Variants in TMEM131L observed in about 807,000 individuals in gnomAD.
TMEM131L encodes transmembrane protein 131-like.
In TMEM131L, 54 loss-of-function variants were observed where a neutral mutation model predicts 192.2. That is an observed-to-expected ratio of 0.28 (90% CI 0.23 to 0.35). The LOEUF (loss-of-function observed/expected upper bound fraction) is 0.35. Ranked by LOEUF, TMEM131L falls within the 10% of genes least tolerant of loss-of-function variation. The pLI, the probability that TMEM131L is intolerant of heterozygous loss-of-function variation, is 1.00. For missense variants in TMEM131L, 1,888 were observed against 1,972.9 expected (o/e 0.96, Z 0.82); for synonymous variants, 701 against 704.9 (o/e 0.99, Z 0.09).
intron 28 of TMEM131L, 70 bp from the exon 29 acceptor site, chr4:153,622,828 C>T (rs1325382365): frequency 3.3e-6 from 5 of 1,504,764 alleles, no homozygotes; most frequent in Non-Finnish European, 4.6e-6. Context: ...TGTCACCTCT[C>T]TCTTTCTGTT....
chr4:153,527,069 T>A (rs942998076), intron 3 of TMEM131L, among the ~76,000 whole-genome samples: 3 of 152,154 alleles, frequency 2.0e-5, no homozygotes, highest in African/African-American at 4.8e-5. Context: ...AGATCCCTTT[T>A]TAGGAATCAG....
Position 153,635,451 on chromosome 4 carries a change from T to C in TMEM131L, c.4437T>C (p.Asn1479=), listed in dbSNP as rs748873007. Residue 1479 remains asparagine, a synonymous_variant, in exon 34 of 35, where the codon AAT becomes AAC. Transcript: ENST00000409959. ...AFPEENMNYA[N]GFPCPADVQT... ...TTGTAGAAAACATGAACTATGCCAA[T>C]GGCTTCCCCTGTCCTGCAGATGTTC... 1 of 1,614,016 alleles carries C rather than the reference T, an allele frequency of 6.2e-7. No individual in the cohort carries two copies. Among genetic ancestry groups the C allele is most frequent in the East Asian group, 2.2e-5 (1 of 44,880 alleles).
At chr4:153,617,194 A>G (rs148308095) in intron 26 of TMEM131L, among the ~76,000 whole-genome samples, 24 of 152,286 alleles carry the variant, frequency 1.6e-4, no homozygotes, top group African/African-American at 5.1e-4. Flanking sequence ...GTTTCCCTGC[A>G]CAAGCTCCCT....
In TMEM131L at chr4:153,601,211, A is replaced by G. The variant is rs569273186; in HGVS notation, c.2267-941A>G. ...TTCAGTTATTTAGAATTGACTTTGA[A>G]TGATAGAATTAAGAAGTAATATAAA... On this transcript the variant is annotated intron_variant, in intron 21 of 34. Transcript: ENST00000409959. Among the ~76,000 whole-genome samples, 5 of 152,306 alleles carry G rather than the reference A, an allele frequency of 3.3e-5. No individual in the cohort carries two copies. The South Asian group carries it at 1.0e-3, about 32-fold the overall frequency.
intron 7 of TMEM131L, among the ~76,000 whole-genome samples, chr4:153,566,518 AGTGTGTGTGTGTGTGT>A (rs35949558): frequency 3.4e-5 from 5 of 145,758 alleles, no homozygotes; most frequent in African/African-American, 1.2e-4. Flanking sequence ...TGTGAGTGTG[AGTGTGTGTGTGTGTGT>A]GTGTGTGTGT....
At chr4:153,590,514 T>C (rs1313004602) in intron 16 of TMEM131L, among the ~76,000 whole-genome samples, 1 of 152,258 alleles carries the variant, frequency 6.6e-6, no homozygotes, top group East Asian at 1.9e-4. Flanking sequence ...CTGTGATAAT[T>C]TGATAAATTA....
chr4:153,602,406 T>C (rs1578843102), intron 22 of TMEM131L, 68 bp downstream of exon 22: 1 of 1,556,460 alleles, frequency 6.4e-7, no homozygotes, highest in East Asian at 2.2e-5. Flanking sequence ...GGAAAACTTT[T>C]TCTATTGTTA....
rs1211028000 is a variant in TMEM131L at position 153,473,879 on chromosome 4, A to G, written c.230A>G (p.Gln77Arg). Residue 77 changes from glutamine (Q) to arginine (R), a missense_variant, in exon 3 of 35, where the codon CAA (glutamine) becomes CGA (arginine). Physicochemically the swap from Gln to Arg is conservative, Grantham distance 43 (BLOSUM62 1). Coordinates refer to ENST00000409959, the MANE Select transcript of TMEM131L (RefSeq NM_001131007.2). ...GAAGAGGGTCTGGAGGAGCCTTCTC[A>G]AGAACAGAGGTAAGGAAAAAATGGG... ...DSEEGLEEPS[Q>R]EQSFSDKLFS... The G allele has an allele frequency of 6.5e-7, 1 of 1,545,470 alleles. No individual in the cohort carries two copies. Among genetic ancestry groups the G allele is most frequent in the Non-Finnish European group, 8.7e-7 (1 of 1,144,404 alleles).
intron 19 of TMEM131L, 64 bp downstream of exon 19, chr4:153,593,935 C>T (rs1261185265): frequency 7.7e-6 from 8 of 1,042,368 alleles, no homozygotes; most frequent in South Asian, 1.3e-5. Flanking sequence ...GCATACGGGC[C>T]TCATTGATTT....
chr4:153,553,572 CTT>C (rs1232443907), intron 4 of TMEM131L, among the ~76,000 whole-genome samples: 2 of 151,974 alleles, frequency 1.3e-5, no homozygotes, highest in East Asian at 3.9e-4. Flanking sequence ...TAGAGTAAAA[CTT>C]TAGCCTGAGG....
At chr4:153,487,790 G>A (rs888816089) in intron 3 of TMEM131L, among the ~76,000 whole-genome samples, 3 of 151,050 alleles carry the variant, frequency 2.0e-5, no homozygotes, top group East Asian at 3.9e-4. Flanking sequence ...GGGAGTGTGC[G>A]AGAGAGAGGA....
intron 4 of TMEM131L, among the ~76,000 whole-genome samples, chr4:153,552,942 TG>T (rs1396933862): frequency 1.1e-4 from 13 of 123,626 alleles, no homozygotes; most frequent in Non-Finnish European, 1.6e-4. Context: ...TGTTATTTTT[TG>T]TGTTTTTTTT....
At chr4:153,567,547 CTT>C (rs33994147) in intron 7 of TMEM131L, among the ~76,000 whole-genome samples, 19 of 139,004 alleles carry the variant, frequency 1.4e-4, no homozygotes, top group Non-Finnish European at 1.3e-4. Flanking sequence ...TTCCCCCAGG[CTT>C]TTTTTTTTTT....
chr4:153,526,693 C>T (rs6858338), intron 3 of TMEM131L, among the ~76,000 whole-genome samples: 11,204 of 151,176 alleles, frequency 0.074, 787 homozygotes, highest in East Asian at 0.22. Context: ...AGCGAGATCA[C>T]GCCACTGCAC....
intron 3 of TMEM131L, among the ~76,000 whole-genome samples, chr4:153,503,022 A>C (rs1733721487): frequency 6.6e-6 from 1 of 151,998 alleles, no homozygotes; most frequent in Non-Finnish European, 1.5e-5. Context: ...CTATTGACCC[A>C]AATACTTGAG....
intron 5 of TMEM131L, among the ~76,000 whole-genome samples, chr4:153,556,293 C>T (rs1046028166): frequency 3.3e-5 from 5 of 152,186 alleles, no homozygotes; most frequent in South Asian, 2.1e-4. Context: ...CCTCTTCCAT[C>T]TCTCAAGCCT....
intron 7 of TMEM131L, among the ~76,000 whole-genome samples, chr4:153,576,877 T>C (rs1395161363): frequency 6.6e-6 from 1 of 152,182 alleles, no homozygotes; most frequent in African/African-American, 2.4e-5. Flanking sequence ...TTCCCTAGCA[T>C]CTGTGGCTGT....
intron 3 of TMEM131L, among the ~76,000 whole-genome samples, chr4:153,487,789 CGA>C (rs1434462053): frequency 7.0e-6 from 1 of 143,102 alleles, no homozygotes; most frequent in Non-Finnish European, 1.5e-5. Context: ...TGGGAGTGTG[CGA>C]GAGAGAGGAG....
chr4:153,585,359 C>A, intron 12 of TMEM131L, 99 bp from the exon 13 acceptor site: 2 of 1,172,066 alleles, frequency 1.7e-6, no homozygotes, highest in Non-Finnish European at 2.5e-6. Context: ...CATTTAGTAA[C>A]GTTTTATGAT....
Sources: allele counts gnomAD v4.1 joint callset (sites outside exome capture counted in the v4.1 genomes callset), GRCh38; gene constraint gnomAD v4.1.1; transcripts MANE v1.5; gene names NCBI Gene and HGNC (gene_info 2026-07-23, HGNC 2026-07-21).